Variants in KCNK12 observed in about 807,000 individuals in gnomAD.
KCNK12 encodes the protein potassium channel subfamily K member 12.
Under a neutral mutation model 25.3 loss-of-function variants are expected in KCNK12, and 6 were observed. The observed-to-expected ratio is 0.24, with a 90% CI of 0.13 to 0.47. The LOEUF (loss-of-function observed/expected upper bound fraction) is 0.47, where lower values mean the gene tolerates loss of function less well. KCNK12 is among the 20% of genes least tolerant of loss of function. The pLI is 0.99. For synonymous variants in KCNK12, 331 were observed against 311.1 expected (o/e 1.06, Z -0.67); for missense variants, 444 against 661.7 (o/e 0.67, Z 3.61).
Position 47,521,085 on chromosome 2 carries a change from C to A in KCNK12, c.1115G>T (p.Arg372Leu). 1.5e-6 allele frequency: 2 copies of A among 1,338,142 alleles called. No homozygotes were observed. The highest frequency in any genetic ancestry group is 1.9e-5 in the South Asian group (1 of 51,556). 82.9% of individuals were successfully genotyped at this position (1,338,142 alleles called of 1,614,324 possible). Reference protein sequence around the residue: ...RRLSGELISMRDLTASNKVSL... With the variant: ...RRLSGELISMLDLTASNKVSL... Reference sequence around the variant, plus strand: ...CACCTTGTTGGAGGCCGTGAGGTCGCGCATGGAGATGAGCTCGCCCGAGAG... The same window carrying A: ...CACCTTGTTGGAGGCCGTGAGGTCGAGCATGGAGATGAGCTCGCCCGAGAG... Residue 372 changes from arginine to leucine, a missense_variant, in exon 2 of 2, where the codon CGC becomes CTC. Physicochemically the swap from Arg to Leu is moderately radical, Grantham distance 102. Around this residue, in one of 8 missense-constraint regions of KCNK12, gnomAD observed 9 missense variants for 36.8 expected, o/e 0.24. Transcript: ENST00000327876.
Position 47,521,307 on chromosome 2 carries a change from A to G in KCNK12, c.893T>C (p.Ile298Thr), listed in dbSNP as rs779463124. 6.2e-7 allele frequency: 1 copy of G among 1,613,208 alleles called. No individual in the cohort carries two copies. Among genetic ancestry groups the G allele is most frequent in the Admixed American group, 1.7e-5 (1 of 59,930 alleles). ...GAGCACCTGCTTGATGAGGATGGAG[A>G]TGACGTTGAAGAGCGAGTAAATGCA... The part of the protein sequence containing the change: ...VCCIYSLFNV[I>T]SILIKQVLNW... The change falls in exon 2 of 2, where the codon ATC becomes ACC. Residue 298 changes from isoleucine (I) to threonine (T), a missense_variant. Physicochemically the swap from Ile to Thr is moderately conservative, Grantham distance 89. Coordinates refer to ENST00000327876, the MANE Select transcript of KCNK12 (RefSeq NM_022055.2).
At chr2:47,526,343 T>G (rs1573626626) in intron 1 of KCNK12, among the ~76,000 whole-genome samples, 1 of 149,384 alleles carries the variant, frequency 6.7e-6, no homozygotes, top group Middle Eastern at 3.5e-3. Flanking sequence ...GAGGCGGAGC[T>G]TGCAGTGAGC....
In KCNK12 at chr2:47,520,761, C is replaced by T. The variant is rs1668632982; in HGVS notation, c.*146G>A. On this transcript the variant is annotated 3_prime_UTR_variant, in exon 2 of 2. Coordinates refer to ENST00000327876, the MANE Select transcript of KCNK12 (RefSeq NM_022055.2). The surrounding 1 kb of genome is among the most constrained non-coding windows in gnomAD (Gnocchi z 5.0). ...CTGCCCTTGATAACATCAGGCCTGG[C>T]CAAATAGTATTTCTTTAAAAAAATT... 1.9e-6 allele frequency: 1 copy of T among 523,984 alleles called. No homozygotes were observed. Among genetic ancestry groups the T allele is most frequent in the Non-Finnish European group, 2.9e-6 (1 of 341,724 alleles). 32.5% of individuals were successfully genotyped at this position (523,984 alleles called of 1,614,324 possible).
At chr2:47,558,227 T>C (rs1463177183) in intron 1 of KCNK12, among the ~76,000 whole-genome samples, 1 of 152,214 alleles carries the variant, frequency 6.6e-6, no homozygotes, top group Non-Finnish European at 1.5e-5. Context: ...GAACCCAGAA[T>C]CTGGCAAGAG....
At chr2:47,522,187 C>G (rs916994209) in intron 1 of KCNK12, among the ~76,000 whole-genome samples, 1 of 152,176 alleles carries the variant, frequency 6.6e-6, no homozygotes, top group African/African-American at 2.4e-5. Context: ...TCTCCCACTC[C>G]TCCAAATTTT....
intron 1 of KCNK12, among the ~76,000 whole-genome samples, chr2:47,549,847 T>C (rs927203633): frequency 6.6e-6 from 1 of 151,914 alleles, no homozygotes; most frequent in Non-Finnish European, 1.5e-5. Context: ...GGCAGGAGAA[T>C]TGCTTGAACC....
At chr2:47,539,594 G>A (rs990670242) in intron 1 of KCNK12, among the ~76,000 whole-genome samples, 4 of 152,094 alleles carry the variant, frequency 2.6e-5, no homozygotes, top group Non-Finnish European at 5.9e-5. Flanking sequence ...AAGGAATGAC[G>A]GGGCAAGGGG....
At position 47,529,229 on chromosome 2, in the gene KCNK12, C is replaced by G. The variant is rs911926586; in HGVS notation, c.392-7421G>C. On this transcript the variant is annotated intron_variant, in intron 1 of 1. Transcript: ENST00000327876. The surrounding 1 kb of genome is among the most constrained non-coding windows in gnomAD (Gnocchi z 4.3). ...ATTACCCCAGGACAGCATGTATAAA[C>G]CAGGGCTGTTCCAAGCAACTGGGAC... The G allele has an allele frequency of 6.6e-6, 1 of 152,142 alleles. No homozygotes were observed. Among genetic ancestry groups the G allele is most frequent in the Non-Finnish European group, 1.5e-5 (1 of 68,048 alleles). 9.4% of individuals were successfully genotyped at this position (152,142 alleles called of 1,614,324 possible). A position where few individuals can be genotyped will look rare whatever the true frequency, so the allele number is the denominator to read the frequency against.
rs959481280 is a variant in KCNK12 at position 47,517,653 on chromosome 2, A to G, written c.*3254T>C. The G allele has an allele frequency of 6.6e-6, 1 of 152,208 alleles. No individual in the cohort carries two copies. The highest frequency in any genetic ancestry group is 1.5e-5 in the Non-Finnish European group (1 of 68,060). 9.4% of individuals were successfully genotyped at this position (152,208 alleles called of 1,614,324 possible). ...CCAGGGCTGTCTGGCATTTTCCACA[A>G]AATGAGAGCCTGAGATTGCCTAAGC... On this transcript the variant is annotated 3_prime_UTR_variant, in exon 2 of 2. Coordinates refer to ENST00000327876, the MANE Select transcript of KCNK12 (RefSeq NM_022055.2). This position sits in a 1 kb window ranked among gnomAD's most constrained non-coding sequence, Gnocchi z 4.1.
In KCNK12 at chr2:47,538,676, C is replaced by G; in HGVS notation, c.392-16868G>C. ...ATCCCAGTTACTTGGAAGGCTGAGG[C>G]AGGAGAATCATTTGAACCCAGGAGG... is the stretch of plus-strand genomic sequence containing the variant. On this transcript the variant is annotated intron_variant, in intron 1 of 1. Coordinates refer to ENST00000327876, the MANE Select transcript of KCNK12 (RefSeq NM_022055.2). This position sits in a 1 kb window ranked among gnomAD's most constrained non-coding sequence, Gnocchi z 4.5. 6.6e-6 allele frequency among the ~76,000 whole-genome samples: 1 copy of G among 152,154 alleles called. No individual in the cohort carries two copies.
At position 47,557,576 on chromosome 2, in the gene KCNK12, C is replaced by T. The variant is rs1462979333; in HGVS notation, c.391+12365G>A. ...CACTACATTGTACTGCAAATTGTCACTTGGCAATGCAGATTTCTTCATTCT... is the reference window on the plus strand; with the variant it reads ...CACTACATTGTACTGCAAATTGTCATTTGGCAATGCAGATTTCTTCATTCT... On this transcript the variant is annotated intron_variant, in intron 1 of 1. Transcript: ENST00000327876. This position sits in a 1 kb window ranked among gnomAD's most constrained non-coding sequence, Gnocchi z 4.9. Among the ~76,000 whole-genome samples the T allele has an allele frequency of 6.6e-6, 1 of 152,146 alleles. No individual in the cohort carries two copies. Among genetic ancestry groups the T allele is most frequent in the East Asian group, 1.9e-4 (1 of 5,198 alleles).
chr2:47,519,109 TG>T lies in KCNK12; in HGVS notation c.*1797del, dbSNP rs1668589194. On this transcript the variant is annotated 3_prime_UTR_variant, in exon 2 of 2. Transcript: ENST00000327876. ...GACTGACGTCTCTCCTGGCCAGCGC[TG>T]CTTCACTGGCTTCACCCCAGATTAG... 6.6e-6 allele frequency: 1 copy of T among 152,248 alleles called. No individual in the cohort carries two copies. The highest frequency in any genetic ancestry group is 1.5e-5 in the Non-Finnish European group (1 of 68,052). The allele number at this position is 152,248 out of a possible 1,614,324, so 9.4% of individuals were successfully genotyped here. A position where few individuals can be genotyped will look rare whatever the true frequency, so the allele number is the denominator to read the frequency against.
intron 1 of KCNK12, among the ~76,000 whole-genome samples, chr2:47,531,345 T>G (rs914711680): frequency 6.6e-6 from 1 of 152,036 alleles, no homozygotes; most frequent in Non-Finnish European, 1.5e-5. Context: ...TGGTGGCGTG[T>G]GCCTGTGGTC....
rs1328359225 is a variant in KCNK12, at chr2:47,538,354, T to C, written c.392-16546A>G. On this transcript the variant is annotated intron_variant, in intron 1 of 1. Transcript: ENST00000327876. The surrounding 1 kb of genome is among the most constrained non-coding windows in gnomAD (Gnocchi z 4.5). ...AGGCAGGTCATGGTTTTAAGTGGGG[T>C]GGGTCCAGGGAGGCCTCGTTAAGGA... Among the ~76,000 whole-genome samples the C allele has an allele frequency of 6.6e-6, 1 of 151,890 alleles. No individual in the cohort carries two copies. The highest frequency in any genetic ancestry group is 1.5e-5 in the Non-Finnish European group (1 of 67,978).
intron 1 of KCNK12, among the ~76,000 whole-genome samples, chr2:47,527,204 A>T (rs892719316): frequency 6.6e-6 from 1 of 152,330 alleles, no homozygotes; most frequent in African/African-American, 2.4e-5. Context: ...GACCACAGCC[A>T]GGGGAGCATC....
Position 47,512,297 on chromosome 2 carries a change from T to A in KCNK12, c.*8610A>T, listed in dbSNP as rs1204871012. 1.2e-6 allele frequency: 2 copies of A among 1,612,440 alleles called. No homozygotes were observed. Among genetic ancestry groups the A allele is most frequent in the Non-Finnish European group, 1.7e-6 (2 of 1,179,734 alleles). On this transcript the variant is annotated 3_prime_UTR_variant, in exon 2 of 2. Coordinates refer to ENST00000327876, the MANE Select transcript of KCNK12 (RefSeq NM_022055.2). ...ACATTTTCTCCTCTCTTCTCCTTCCTTTCAGAACCTCAGAGTGACAGAGCC... is the reference window on the plus strand; with the variant it reads ...ACATTTTCTCCTCTCTTCTCCTTCCATTCAGAACCTCAGAGTGACAGAGCC...
intron 1 of KCNK12, chr2:47,535,217 C>A (rs1669039659): frequency 4.3e-6 from 1 of 233,110 alleles, no homozygotes; most frequent in East Asian, 6.0e-5. Context: ...AAACCCACAC[C>A]TTTCAGCTGC....
intron 1 of KCNK12, among the ~76,000 whole-genome samples, chr2:47,524,362 C>CTA (rs971701834): frequency 1.3e-5 from 2 of 152,152 alleles, no homozygotes; most frequent in African/African-American, 4.8e-5. Flanking sequence ...AAAAGGAAAA[C>CTA]TATACAGCAA....
rs1318445403 is a variant in KCNK12, at chr2:47,560,823, C to T, written c.391+9118G>A. On this transcript the variant is annotated intron_variant, in intron 1 of 1. Transcript: ENST00000327876. The surrounding 1 kb of genome is among the most constrained non-coding windows in gnomAD (Gnocchi z 4.7). ...TCACTCCCCAGAACAAAGGCATTGG[C>T]TGCTGGCATGATGGAGAGTTTGGAA... is the stretch of plus-strand genomic sequence containing the variant. 6.6e-6 allele frequency among the ~76,000 whole-genome samples: 1 copy of T among 152,178 alleles called. No homozygotes were observed. The highest frequency in any genetic ancestry group is 1.9e-4 in the East Asian group (1 of 5,198).
Sources: allele counts gnomAD v4.1 joint callset (sites outside exome capture counted in the v4.1 genomes callset), GRCh38; gene constraint gnomAD v4.1.1; regional missense constraint gnomAD v4.1.1; non-coding constraint Gnocchi (gnomAD v3.1); transcripts MANE v1.5; gene names NCBI Gene and HGNC (gene_info 2026-07-23, HGNC 2026-07-21).